MCTP1: variants seen among roughly 807,000 people sequenced by gnomAD.
The protein encoded by MCTP1 is multiple C2 and transmembrane domain-containing protein 1.
In MCTP1, 69 loss-of-function variants were observed where a neutral mutation model predicts 120.6. That is an observed-to-expected ratio of 0.57 (90% CI 0.47 to 0.70). MCTP1 has a LOEUF of 0.70. MCTP1 is among the 30% of genes least tolerant of loss of function. MCTP1 has a pLI of 0.00. For synonymous variants in MCTP1, 529 were observed against 493.1 expected (o/e 1.07, Z -0.96); for missense variants, 1,203 against 1,248.8 (o/e 0.96, Z 0.55).
rs139844630 is a variant in MCTP1 at position 94,762,515 on chromosome 5, A to G, written c.2610+16595T>C. The stretch of plus-strand genomic sequence containing the variant: ...AGATACTCTGTATGGACCTGTGGCC[A>G]TCATTTTTCCAAATGCTGTCAAGAC... On this transcript the variant is annotated intron_variant, in intron 19 of 22. Transcript: ENST00000515393. 6.4e-3 allele frequency among the ~76,000 whole-genome samples: 981 copies of G among 152,306 alleles called. 10 individuals are homozygous for G. The highest frequency in any genetic ancestry group is 0.022 in the African/African-American group (894 of 41,564).
intron 1 of MCTP1, among the ~76,000 whole-genome samples, chr5:95,165,793 C>G (rs1746264924): frequency 6.6e-6 from 1 of 152,222 alleles, no homozygotes; most frequent in South Asian, 2.1e-4. Context: ...TTGGAACATT[C>G]TGATTCTGCC....
chr5:95,129,721 G>A (rs149362490), intron 1 of MCTP1, among the ~76,000 whole-genome samples: 31 of 151,946 alleles, frequency 2.0e-4, no homozygotes, highest in African/African-American at 6.3e-4. Context: ...GTGCAGTGGC[G>A]CAATCTTGGC....
rs1026662229 is a variant in MCTP1, at chr5:95,284,776, C to A, written c.-201G>T. Among the ~76,000 whole-genome samples the A allele has an allele frequency of 6.6e-6, 1 of 152,082 alleles. No homozygotes were observed. Among genetic ancestry groups the A allele is most frequent in the African/African-American group, 2.4e-5 (1 of 41,432 alleles). ...AAAGAAGCGGCCGCCGCCGCCGAGG[C>A]TCTCTGGCCTCGGGACTCCGGCGCT... On this transcript the variant is annotated 5_prime_UTR_variant, in exon 1 of 23. Coordinates refer to ENST00000515393, the MANE Select transcript of MCTP1 (RefSeq NM_024717.7). The surrounding 1 kb of genome is among the most constrained non-coding windows in gnomAD (Gnocchi z 5.2).
At chr5:95,247,897 T>C (rs1009800006) in intron 1 of MCTP1, among the ~76,000 whole-genome samples, 51 of 152,192 alleles carry the variant, frequency 3.4e-4, no homozygotes, top group Non-Finnish European at 7.3e-5. Context: ...TCTGTAGATA[T>C]CTATTAGGTA....
chr5:95,067,437 A>C (rs568471510), intron 1 of MCTP1, among the ~76,000 whole-genome samples: 115 of 152,252 alleles, frequency 7.6e-4, no homozygotes, highest in Non-Finnish European at 1.1e-3. Flanking sequence ...ATAAAATACA[A>C]CATGAAAATA....
chr5:95,241,835 C>G (rs1329447515), intron 1 of MCTP1, among the ~76,000 whole-genome samples: 1 of 152,150 alleles, frequency 6.6e-6, no homozygotes, highest in Non-Finnish European at 1.5e-5. Context: ...ACTTCCCCTT[C>G]TGGGGGAGAT....
intron 21 of MCTP1, chr5:94,708,870 G>GT (rs772466567): frequency 3.5e-4 from 101 of 289,238 alleles, no homozygotes; most frequent in East Asian, 1.0e-3. Flanking sequence ...CAATATCTTG[G>GT]TTTTTTTTCC....
chr5:94,841,175 G>T (rs1307540179), intron 17 of MCTP1, among the ~76,000 whole-genome samples: 1 of 152,098 alleles, frequency 6.6e-6, no homozygotes, highest in Non-Finnish European at 1.5e-5. Flanking sequence ...GTCCACCCAG[G>T]GAACGGAAAC....
intron 5 of MCTP1, among the ~76,000 whole-genome samples, chr5:94,933,884 A>G (rs1815443944): frequency 6.6e-6 from 1 of 151,926 alleles, no homozygotes; most frequent in Non-Finnish European, 1.5e-5. Flanking sequence ...CTTTATAAGC[A>G]GGCTGCATGG....
chr5:95,157,415 C>A (rs970238183), intron 1 of MCTP1, among the ~76,000 whole-genome samples: 10 of 152,222 alleles, frequency 6.6e-5, no homozygotes, highest in African/African-American at 2.2e-4. Context: ...TGCACTGACC[C>A]TAGATACAGA....
At chr5:94,735,334 T>G (rs1580379472) in intron 19 of MCTP1, among the ~76,000 whole-genome samples, 1 of 135,800 alleles carries the variant, frequency 7.4e-6, no homozygotes, top group South Asian at 2.6e-4. Flanking sequence ...TTTTGGTTTT[T>G]GTTTTTGAGA....
rs1554247134 is a variant in MCTP1 at position 95,284,673 on chromosome 5, T to TGGCGGTGGCGGC, written c.-110_-99dup. 2.0e-5 allele frequency: 21 copies of TGGCGGTGGCGGC among 1,032,164 alleles called. No homozygotes were observed. The highest frequency in any genetic ancestry group is 2.6e-5 in the Non-Finnish European group (20 of 778,640). The allele number at this position is 1,032,164 out of a possible 1,614,324, so 63.9% of individuals were successfully genotyped here. ...ACCTCCTCCCGGGTCCCCGCGGCGCTGGCGGTGGCGGCGGCGGCGGCGGCG... is the reference window on the plus strand; with the variant it reads ...ACCTCCTCCCGGGTCCCCGCGGCGCTGGCGGTGGCGGCGGCGGTGGCGGCGGCGGCGGCGGCG... On this transcript the variant is annotated 5_prime_UTR_variant, in exon 1 of 23. Coordinates refer to ENST00000515393, the MANE Select transcript of MCTP1 (RefSeq NM_024717.7). The surrounding 1 kb of genome is among the most constrained non-coding windows in gnomAD (Gnocchi z 5.2).
intron 1 of MCTP1, among the ~76,000 whole-genome samples, chr5:95,249,273 G>A (rs527659924): frequency 2.6e-5 from 4 of 151,842 alleles, no homozygotes; most frequent in African/African-American, 9.7e-5. Context: ...TCTGACAAAG[G>A]GCTAATATTC....
intron 1 of MCTP1, among the ~76,000 whole-genome samples, chr5:95,084,308 C>T (rs1289817713): frequency 2.6e-5 from 4 of 152,106 alleles, no homozygotes; most frequent in Non-Finnish European, 5.9e-5. Flanking sequence ...GGACTACTCT[C>T]CTTTATTATT....
At chr5:94,916,620 A>G (rs1439937407) in intron 8 of MCTP1, among the ~76,000 whole-genome samples, 4 of 152,248 alleles carry the variant, frequency 2.6e-5, no homozygotes, top group Non-Finnish European at 4.4e-5. Flanking sequence ...TTTGCAAACT[A>G]TGAAATTCTG....
chr5:95,215,191 G>A (rs1243143863), intron 1 of MCTP1, among the ~76,000 whole-genome samples: 1 of 152,044 alleles, frequency 6.6e-6, no homozygotes, highest in East Asian at 1.9e-4. Flanking sequence ...CCAAGCAATA[G>A]CTAAACCTCA....
chr5:94,883,594 T>A (rs1473132869), intron 12 of MCTP1, among the ~76,000 whole-genome samples: 1 of 152,214 alleles, frequency 6.6e-6, no homozygotes, highest in Non-Finnish European at 1.5e-5. Flanking sequence ...GTTCTTTGAA[T>A]GAAATTACGT....
At chr5:95,224,303 C>T (rs1034703956) in intron 1 of MCTP1, among the ~76,000 whole-genome samples, 5 of 152,254 alleles carry the variant, frequency 3.3e-5, no homozygotes, top group African/African-American at 1.2e-4. Flanking sequence ...ATCTGTTGGG[C>T]CTGATAAAAC....
chr5:95,136,372 G>T (rs568111637), intron 1 of MCTP1, among the ~76,000 whole-genome samples: 1 of 152,174 alleles, frequency 6.6e-6, no homozygotes, highest in African/African-American at 2.4e-5. Context: ...ATTCAGGAAG[G>T]GTTCAGGCTT....
Sources: gnomAD v4.1 joint callset for allele counts (sites outside exome capture counted in the v4.1 genomes callset) on GRCh38, gnomAD v4.1.1 for gene constraint, Gnocchi (gnomAD v3.1) non-coding constraint, MANE v1.5 for transcripts, NCBI Gene and HGNC (gene_info 2026-07-23, HGNC 2026-07-21) for gene names.